The following BCR variants were observed in gnomAD, a reference collection of about 807,000 sequenced individuals.
BCR encodes the protein breakpoint cluster region protein.
BCR carries 58 observed loss-of-function variants against 138.6 expected under a neutral mutation model. That is an observed-to-expected ratio of 0.42 (90% CI 0.34 to 0.52). BCR has a LOEUF of 0.52. Ranked by LOEUF, BCR falls within the 20% of genes least tolerant of loss-of-function variation. The pLI, the probability that BCR is intolerant of heterozygous loss-of-function variation, is 0.06. For missense variants in BCR, 1,599 were observed against 1,727.2 expected, an observed-to-expected ratio of 0.93 and a Z score of 1.32; for synonymous variants, 786 against 730.1, an observed-to-expected ratio of 1.08 and a Z score of -1.23.
chr22:23,284,616 T>A lies in BCR; in HGVS notation c.2238-417T>A, dbSNP rs2073689620. 1.3e-5 allele frequency among the ~76,000 whole-genome samples: 2 copies of A among 152,144 alleles called. 1 individual carries two copies. Among genetic ancestry groups the A allele is most frequent in the Admixed American group, 1.3e-4 (2 of 15,274 alleles). ...TGCCCTGCTGAGTGGGTTTAATCAGTCAACTCAGAGGAGAGCCTTAGTTCC... is the reference window on the plus strand; with the variant it reads ...TGCCCTGCTGAGTGGGTTTAATCAGACAACTCAGAGGAGAGCCTTAGTTCC... On this transcript the variant is annotated intron_variant, in intron 9 of 22. Coordinates refer to ENST00000305877, the MANE Select transcript of BCR (RefSeq NM_004327.4).
Position 23,261,052 on chromosome 22 carries a change from C to T in BCR, c.1564C>T (p.Leu522=), listed in dbSNP as rs2073350833. Residue 522 remains leucine, a splice_region_variant and synonymous_variant, in exon 3 of 23, where the codon CTG becomes TTG. Transcript: ENST00000305877. ...TYLSHLEALL[L]PMKPLKAAAT... is the part of the protein sequence containing the mutation. ...CCTGAGCCACCTGGAGGCACTGCTG[C>T]TGGTGAGGAGGATTTAGGGAGCTGA... 8 of 1,613,328 alleles carry T rather than the reference C, an allele frequency of 5.0e-6. No individual in the cohort carries two copies. In the East Asian group the frequency reaches 1.8e-4, roughly 36 times the overall value.
rs201711782 is a variant in BCR at position 23,290,351 on chromosome 22, C to T, written c.2720C>T (p.Pro907Leu). Residue 907 changes from proline (P) to leucine (L), a missense_variant, in exon 14 of 23, where the codon CCG becomes CTG. By Grantham distance (98) the Pro-to-Leu change is moderately conservative. This residue lies in a region of BCR where 590 missense variants were observed against 762.4 expected (regional missense o/e 0.77). Transcript: ENST00000305877. The stretch of plus-strand genomic sequence containing the variant: ...ATCTCTTGCGCAGATGATGAGTCTC[C>T]GGGGCTCTATGGGTTTCTGAATGTC... The part of the protein sequence containing the change: ...LTINKEDDES[P>L]GLYGFLNVIV... 2.3e-4 allele frequency: 367 copies of T among 1,613,932 alleles called. No homozygotes were observed. The highest frequency in any genetic ancestry group is 2.8e-4 in the Non-Finnish European group (332 of 1,179,946).
Sources: gnomAD v4.1 joint callset for allele counts (sites outside exome capture counted in the v4.1 genomes callset) on GRCh38, gnomAD v4.1.1 for gene constraint, gnomAD v4.1.1 regional missense constraint, MANE v1.5 for transcripts, NCBI Gene and HGNC (gene_info 2026-07-23, HGNC 2026-07-21) for gene names.